CSMD2: variants seen among roughly 807,000 people sequenced by gnomAD.
CSMD2 encodes CUB and Sushi multiple domains 2.
In CSMD2, 130 loss-of-function variants were observed where a neutral mutation model predicts 398.5. The ratio of observed to expected loss-of-function variants is 0.33; its 90% CI spans 0.28 to 0.38. The LOEUF is 0.38. Among genes scored for constraint, CSMD2 ranks in the 10% least tolerant of loss-of-function variants. The pLI is 1.00. For missense variants in CSMD2, 3,829 were observed against 4,764.9 expected, an observed-to-expected ratio of 0.80 and a Z score of 5.78; for synonymous variants, 1,828 against 1,908.5, an observed-to-expected ratio of 0.96 and a Z score of 1.10.
intron 1 of CSMD2, among the ~76,000 whole-genome samples, chr1:34,151,982 A>G (rs1431755925): frequency 1.3e-5 from 2 of 152,128 alleles, no homozygotes; most frequent in African/African-American, 4.8e-5. Context: ...AGCTAGGACT[A>G]CAGGCACATG....
chr1:33,681,897 T>C (rs1644919245), intron 25 of CSMD2, among the ~76,000 whole-genome samples: 1 of 151,924 alleles, frequency 6.6e-6, no homozygotes, highest in Non-Finnish European at 1.5e-5. Context: ...ACCCGGGAGG[T>C]GGAGTTTGCA....
At chr1:33,843,876 C>A (rs1661101702) in intron 6 of CSMD2, among the ~76,000 whole-genome samples, 1 of 152,212 alleles carries the variant, frequency 6.6e-6, no homozygotes. Context: ...CTTTCCAGGT[C>A]TGCCAAGGGG....
Position 34,163,844 on chromosome 1 carries a change from G to A in CSMD2, c.187+1067C>T, listed in dbSNP as rs1423994218. Among the ~76,000 whole-genome samples, 2 of 152,122 alleles carry A rather than the reference G, an allele frequency of 1.3e-5. No homozygotes were observed. The highest frequency in any genetic ancestry group is 2.9e-5 in the Non-Finnish European group (2 of 68,030). On this transcript the variant is annotated intron_variant, in intron 1 of 70. Coordinates refer to ENST00000373381, the MANE Select transcript of CSMD2 (RefSeq NM_001281956.2). This position sits in a 1 kb window ranked among gnomAD's most constrained non-coding sequence, Gnocchi z 5.4. The stretch of plus-strand genomic sequence containing the variant: ...CCGGGCACACGGAACTTTCTAGCTT[G>A]TAGCTAGAACTGAGCTTCGGAGGGG...
intron 4 of CSMD2, among the ~76,000 whole-genome samples, chr1:33,924,091 T>C (rs58893135): frequency 0.12 from 18,231 of 152,224 alleles, 1,181 homozygotes; most frequent in South Asian, 0.16. Context: ...TCCACTTTTT[T>C]AACTCCTCGT....
At chr1:33,758,679 C>A (rs541470686) in intron 13 of CSMD2, among the ~76,000 whole-genome samples, 1 of 152,294 alleles carries the variant, frequency 6.6e-6, no homozygotes, top group East Asian at 1.9e-4. Flanking sequence ...TCTCTCCTTG[C>A]CCTTGCTATA....
intron 15 of CSMD2, among the ~76,000 whole-genome samples, chr1:33,729,666 T>G (rs1339290630): frequency 6.8e-6 from 1 of 146,500 alleles, no homozygotes; most frequent in East Asian, 2.2e-4. Context: ...GAGTGTGATG[T>G]TGGAGGGGAG....
At chr1:34,037,580 T>C (rs899745959) in intron 2 of CSMD2, among the ~76,000 whole-genome samples, 2 of 152,166 alleles carry the variant, frequency 1.3e-5, no homozygotes, top group African/African-American at 4.8e-5. Context: ...CATCTCCAGG[T>C]GGGCCCAATT....
At chr1:33,622,507 C>G (rs1002037612) in intron 36 of CSMD2, among the ~76,000 whole-genome samples, 1 of 152,160 alleles carries the variant, frequency 6.6e-6, no homozygotes, top group African/African-American at 2.4e-5. Flanking sequence ...GTGGCAGAGC[C>G]ATGTGCCCGC....
chr1:33,805,670 C>T lies in CSMD2; in HGVS notation c.1446+5073G>A, dbSNP rs9970103. On this transcript the variant is annotated intron_variant, in intron 10 of 70. Coordinates refer to ENST00000373381, the MANE Select transcript of CSMD2 (RefSeq NM_001281956.2). ...AGGTCATAGGGATGGGGCTGTAATCCGATGGTAGTGGTGTCCTTATGGGAA... is the reference window on the plus strand; with the variant it reads ...AGGTCATAGGGATGGGGCTGTAATCTGATGGTAGTGGTGTCCTTATGGGAA... 7.0e-3 allele frequency among the ~76,000 whole-genome samples: 1,064 copies of T among 151,956 alleles called. 11 individuals carry two copies. Among genetic ancestry groups the T allele is most frequent in the African/African-American group, 0.025 (1,019 of 41,416 alleles).
chr1:34,087,708 A>G (rs549981799), intron 2 of CSMD2, among the ~76,000 whole-genome samples: 3 of 152,058 alleles, frequency 2.0e-5, no homozygotes, highest in Admixed American at 1.3e-4. Context: ...TTGTCTTCAT[A>G]GGACCAGACA....
At chr1:33,690,999 C>T (rs1225570839) in intron 25 of CSMD2, among the ~76,000 whole-genome samples, 1 of 152,128 alleles carries the variant, frequency 6.6e-6, no homozygotes, top group African/African-American at 2.4e-5. Flanking sequence ...TGAGGGATGA[C>T]CTCCCGGGTG....
intron 5 of CSMD2, among the ~76,000 whole-genome samples, chr1:33,893,390 G>A (rs1642179077): frequency 6.6e-6 from 1 of 152,178 alleles, no homozygotes; most frequent in Non-Finnish European, 1.5e-5. Flanking sequence ...CTCTTCCCAT[G>A]GGCCTTCCAG....
At position 34,068,235 on chromosome 1, in the gene CSMD2, A is replaced by C. The variant is rs148487027; in HGVS notation, c.404+20742T>G. Among the ~76,000 whole-genome samples the C allele has an allele frequency of 7.2e-3, 1,092 of 152,226 alleles. 15 individuals carry two copies. Among genetic ancestry groups the C allele is most frequent in the East Asian group, 0.053 (274 of 5,186 alleles). On this transcript the variant is annotated intron_variant, in intron 2 of 70. Coordinates refer to ENST00000373381, the MANE Select transcript of CSMD2 (RefSeq NM_001281956.2). ...TCCTCAAGATCCATCTTGCAACATA[A>C]AGTCCTTCCTCATCCTGGTCATTCT...
intron 1 of CSMD2, among the ~76,000 whole-genome samples, chr1:34,132,034 A>G (rs1663402094): frequency 6.6e-6 from 1 of 152,096 alleles, no homozygotes; most frequent in African/African-American, 2.4e-5. Context: ...CTAACCTTAT[A>G]GACAATTCCT....
chr1:33,737,360 C>T (rs373414468), intron 15 of CSMD2, among the ~76,000 whole-genome samples: 7 of 152,266 alleles, frequency 4.6e-5, no homozygotes, highest in South Asian at 4.2e-4. Flanking sequence ...AGGATGGAAA[C>T]GCACCACTTG....
At chr1:33,598,586 T>G (rs1419909632) in intron 44 of CSMD2, 2 of 152,102 alleles carry the variant, frequency 1.3e-5, no homozygotes, top group African/African-American at 4.8e-5. Context: ...ATGTCTGGTA[T>G]GGGCCTTCTT....
intron 4 of CSMD2, among the ~76,000 whole-genome samples, chr1:33,932,736 C>A (rs1558124265): frequency 1.3e-5 from 2 of 152,310 alleles, no homozygotes; most frequent in East Asian, 1.9e-4. Context: ...ATGTTAACAT[C>A]CAGCCCCAGA....
intron 44 of CSMD2, chr1:33,592,378 T>C (rs1639519302): frequency 1.4e-6 from 1 of 715,392 alleles, no homozygotes; most frequent in Admixed American, 2.0e-5. Context: ...GAACATCTGA[T>C]TGCCCCTGCT....
At chr1:33,826,489 G>C (rs1181528915) in intron 6 of CSMD2, among the ~76,000 whole-genome samples, 1 of 152,178 alleles carries the variant, frequency 6.6e-6, no homozygotes, top group East Asian at 1.9e-4. Flanking sequence ...GGGGGAAGAG[G>C]GAATTAGCCA....
Sources: allele counts gnomAD v4.1 joint callset (sites outside exome capture counted in the v4.1 genomes callset), GRCh38; gene constraint gnomAD v4.1.1; non-coding constraint Gnocchi (gnomAD v3.1); transcripts MANE v1.5; gene names NCBI Gene and HGNC (gene_info 2026-07-23, HGNC 2026-07-21).